Variants in PRKD1 observed in about 807,000 individuals in gnomAD.
The protein encoded by PRKD1 is serine/threonine-protein kinase D1.
Under a neutral mutation model 95.9 loss-of-function variants are expected in PRKD1, and 63 were observed. The observed-to-expected ratio is 0.66, with a 90% CI of 0.54 to 0.81. PRKD1 has a LOEUF of 0.81. Among genes scored for constraint, PRKD1 ranks in the 30% least tolerant of loss-of-function variants. PRKD1 has a pLI of 0.00. For missense variants in PRKD1, 1,048 were observed against 1,165.3 expected (o/e 0.90, Z 1.47); for synonymous variants, 425 against 423.1 (o/e 1.00, Z -0.05).
At chr14:29,907,480 T>A (rs1894533609) in intron 1 of PRKD1, among the ~76,000 whole-genome samples, 1 of 152,214 alleles carries the variant, frequency 6.6e-6, no homozygotes, top group African/African-American at 2.4e-5. Flanking sequence ...TCTGGATATC[T>A]GAGATATAAC....
At chr14:29,650,427 C>A (rs1275168321) in intron 4 of PRKD1, 1 of 152,302 alleles carries the variant, frequency 6.6e-6, no homozygotes. Context: ...TGAAGCTCTC[C>A]CATTGGCACC....
At chr14:29,831,453 T>C (rs1209767983) in intron 1 of PRKD1, among the ~76,000 whole-genome samples, 2 of 151,246 alleles carry the variant, frequency 1.3e-5, no homozygotes, top group Non-Finnish European at 3.0e-5. Flanking sequence ...TGTTTGGTTT[T>C]TTTTTTTTTT....
chr14:29,855,041 G>A (rs1892444885), intron 1 of PRKD1, among the ~76,000 whole-genome samples: 1 of 152,226 alleles, frequency 6.6e-6, no homozygotes, highest in African/African-American at 2.4e-5. Flanking sequence ...CAGGGGCAGG[G>A]CCCTCATTGA....
rs557654201 is a variant in PRKD1, at chr14:29,889,976, C to T, written c.264+37273G>A. Reference sequence around the variant, plus strand: ...TCTACGGCAGACACTTAACTAGGCTCTGAGGATACAGAAGGGAGTAGAAAG... The same window carrying T: ...TCTACGGCAGACACTTAACTAGGCTTTGAGGATACAGAAGGGAGTAGAAAG... On this transcript the variant is annotated intron_variant, in intron 1 of 17. Coordinates refer to ENST00000331968, the MANE Select transcript of PRKD1 (RefSeq NM_002742.3). 3.3e-5 allele frequency among the ~76,000 whole-genome samples: 5 copies of T among 152,306 alleles called. No individual in the cohort carries two copies. The South Asian group carries it at 1.0e-3, about 32-fold the overall frequency.
intron 1 of PRKD1, among the ~76,000 whole-genome samples, chr14:29,786,445 C>T (rs1889277577): frequency 6.6e-6 from 1 of 152,046 alleles, no homozygotes; most frequent in Non-Finnish European, 1.5e-5. Flanking sequence ...GTTTGGTATA[C>T]TTCAGCAGTA....
chr14:29,870,519 G>A (rs1352652342), intron 1 of PRKD1, among the ~76,000 whole-genome samples: 2 of 152,172 alleles, frequency 1.3e-5, no homozygotes, highest in Non-Finnish European at 2.9e-5. Context: ...TGCTGCCATA[G>A]TCCACAAATG....
chr14:29,920,771 T>G (rs1369390291), intron 1 of PRKD1, among the ~76,000 whole-genome samples: 2 of 152,244 alleles, frequency 1.3e-5, no homozygotes, highest in Non-Finnish European at 2.9e-5. Context: ...AAAAGACTTG[T>G]GATTGGTTTT....
chr14:29,895,754 A>G (rs769504841), intron 1 of PRKD1, among the ~76,000 whole-genome samples: 16 of 152,106 alleles, frequency 1.1e-4, no homozygotes, highest in South Asian at 2.1e-4. Flanking sequence ...CTCCACCGAC[A>G]TGTCCACACG....
At position 29,733,396 on chromosome 14, in the gene PRKD1, G is replaced by A. The variant is rs113183810; in HGVS notation, c.265-7722C>T. 8.1e-3 allele frequency among the ~76,000 whole-genome samples: 1,229 copies of A among 152,074 alleles called. 21 individuals carry two copies. The highest frequency in any genetic ancestry group is 0.027 in the African/African-American group (1,137 of 41,462). On this transcript the variant is annotated intron_variant, in intron 1 of 17. Coordinates refer to ENST00000331968, the MANE Select transcript of PRKD1 (RefSeq NM_002742.3). ...ATTACAGGAGTGAGCTACCGTGCCC[G>A]GCCAGTTCACTGATATTTTCTACTG... is the stretch of plus-strand genomic sequence containing the variant.
chr14:29,614,856 A>ATTTTTTTTT (rs55917722), intron 13 of PRKD1, among the ~76,000 whole-genome samples: 1 of 115,676 alleles, frequency 8.6e-6, no homozygotes, highest in African/African-American at 3.6e-5. Context: ...TGCCCAGCTA[A>ATTTTTTTTT]TTTTTTTTTT....
chr14:29,826,175 G>A (rs1891100695), intron 1 of PRKD1, among the ~76,000 whole-genome samples: 1 of 137,012 alleles, frequency 7.3e-6, no homozygotes, highest in Non-Finnish European at 1.6e-5. Flanking sequence ...TATATATGAT[G>A]GAATATATAT....
chr14:29,629,015 T>C, intron 11 of PRKD1, 26 bp downstream of exon 11: 2 of 1,476,450 alleles, frequency 1.4e-6, no homozygotes, highest in Non-Finnish European at 1.8e-6. Flanking sequence ...CATTAGCAAG[T>C]TTTATATTAG....
intron 1 of PRKD1, among the ~76,000 whole-genome samples, chr14:29,770,198 T>C (rs531028618): frequency 6.6e-6 from 1 of 152,200 alleles, no homozygotes; most frequent in Non-Finnish European, 1.5e-5. Flanking sequence ...TGTTTATAAA[T>C]TACCCAGTCT....
chr14:29,660,333 C>A (rs113136324), intron 4 of PRKD1, among the ~76,000 whole-genome samples: 1 of 152,150 alleles, frequency 6.6e-6, no homozygotes, highest in Non-Finnish European at 1.5e-5. Context: ...GCCTTTACTG[C>A]GCCTTTATAA....
intron 1 of PRKD1, among the ~76,000 whole-genome samples, chr14:29,744,216 A>C (rs1251165390): frequency 6.6e-6 from 1 of 152,182 alleles, no homozygotes; most frequent in African/African-American, 2.4e-5. Flanking sequence ...CATGTTCAGA[A>C]CAGAACTCTT....
At chr14:29,726,119 C>A (rs1400144450) in intron 1 of PRKD1, among the ~76,000 whole-genome samples, 1 of 152,036 alleles carries the variant, frequency 6.6e-6, no homozygotes, top group Non-Finnish European at 1.5e-5. Flanking sequence ...TCTGTTTTGG[C>A]ATATTCAAAA....
At chr14:29,721,241 T>C (rs934023503) in intron 2 of PRKD1, among the ~76,000 whole-genome samples, 1 of 152,178 alleles carries the variant, frequency 6.6e-6, no homozygotes, top group Non-Finnish European at 1.5e-5. Context: ...CATGTGGAAA[T>C]AGCTTTTTGC....
intron 4 of PRKD1, among the ~76,000 whole-genome samples, chr14:29,647,076 GGCAA>G (rs1220887953): frequency 4.0e-5 from 6 of 151,390 alleles, no homozygotes; most frequent in Non-Finnish European, 8.8e-5. Flanking sequence ...GTGGCTACAG[GGCAA>G]GCAAAAAAAA....
intron 1 of PRKD1, among the ~76,000 whole-genome samples, chr14:29,854,575 T>C (rs1892427443): frequency 1.3e-5 from 2 of 152,228 alleles, no homozygotes; most frequent in Non-Finnish European, 2.9e-5. Context: ...ATCTGCCGCC[T>C]GACAATGTGA....
Sources: allele counts gnomAD v4.1 joint callset (sites outside exome capture counted in the v4.1 genomes callset), GRCh38; gene constraint gnomAD v4.1.1; transcripts MANE v1.5; gene names NCBI Gene and HGNC (gene_info 2026-07-23, HGNC 2026-07-21).